CDH22: variants seen among roughly 807,000 people sequenced by gnomAD.
The protein encoded by CDH22 is cadherin-22.
CDH22 carries 30 observed loss-of-function variants against 58.4 expected under a neutral mutation model. The ratio of observed to expected loss-of-function variants is 0.51; its 90% confidence interval spans 0.38 to 0.70. The LOEUF (loss-of-function observed/expected upper bound fraction) is 0.70, where lower values mean the gene tolerates loss of function less well. CDH22 is among the 30% of genes least tolerant of loss of function. The probability of loss-of-function intolerance (pLI) is 0.00; values close to 1 mark genes in which losing one functional copy is unlikely to be tolerated. For missense variants in CDH22, 1,014 were observed against 1,233.9 expected (o/e 0.82, Z 2.67); for synonymous variants, 513 against 558.2 (o/e 0.92, Z 1.14).
At chr20:46,296,662 A>G (rs147390612) in intron 1 of CDH22, among the ~76,000 whole-genome samples, 1 of 152,276 alleles carries the variant, frequency 6.6e-6, no homozygotes, top group East Asian at 1.9e-4. Context: ...TCATCAGGTG[A>G]CCATGTCAGA....
At chr20:46,301,041 C>T (rs936003724) in intron 1 of CDH22, among the ~76,000 whole-genome samples, 2 of 151,934 alleles carry the variant, frequency 1.3e-5, no homozygotes, top group South Asian at 2.1e-4. Context: ...AAGCAGGTTA[C>T]GGAGGCATAT....
At position 46,251,270 on chromosome 20, in the gene CDH22, C is replaced by A; in HGVS notation, c.25G>T (p.Gly9Trp). 1 of 1,462,438 alleles carries A rather than the reference C, an allele frequency of 6.8e-7. No individual in the cohort carries two copies. The highest frequency in any genetic ancestry group is 9.0e-7 in the Non-Finnish European group (1 of 1,113,500). 90.6% of individuals were successfully genotyped at this position (1,462,438 alleles called of 1,614,324 possible). MRPRPEGRGLRAGVALSPA... is the reference protein window; with the variant it reads MRPRPEGRWLRAGVALSPA... ...GACAGCGCGACTCCCGCCCGGAGCC[C>A]CCTACCTTCGGGCCTCGGCCTCATC... Residue 9 changes from glycine to tryptophan, a missense_variant, in exon 2 of 12, where the codon GGG becomes TGG. This residue lies in a region of CDH22 where 806 missense variants were observed against 1,038.7 expected (regional missense o/e 0.78). Transcript: ENST00000537909. This position sits in a 1 kb window ranked among gnomAD's most constrained non-coding sequence, Gnocchi z 6.7.
At chr20:46,260,179 A>G (rs1393225594) in intron 1 of CDH22, among the ~76,000 whole-genome samples, 1 of 152,218 alleles carries the variant, frequency 6.6e-6, no homozygotes, top group Non-Finnish European at 1.5e-5. Flanking sequence ...AGATGCCTTA[A>G]GGAGGACCTT....
chr20:46,178,370 C>T (rs1298735652), intron 10 of CDH22, among the ~76,000 whole-genome samples, 173 bp from the exon 11 acceptor site: 2 of 152,084 alleles, frequency 1.3e-5, no homozygotes, highest in Admixed American at 1.3e-4. Context: ...CCAGATGCCT[C>T]CAAATTCTGC....
rs2085716904 is a variant in CDH22 at position 46,174,206 on chromosome 20, C to T, written c.*300G>A. ...CCAGGCCAGGATTGAGTGACCCGCC[C>T]CTTCCCGACTCTGCAACGCCACCCC... is the stretch of plus-strand genomic sequence containing the variant. On this transcript the variant is annotated 3_prime_UTR_variant, in exon 12 of 12. Transcript: ENST00000537909. The surrounding 1 kb of genome is among the most constrained non-coding windows in gnomAD (Gnocchi z 4.4). 1.2e-5 allele frequency: 5 copies of T among 424,930 alleles called. No homozygotes were observed. In the South Asian group the frequency reaches 1.7e-4, roughly 14 times the overall value. The allele number at this position is 424,930 out of a possible 1,614,324, so 26.3% of individuals were successfully genotyped here.
At chr20:46,193,338 C>G (rs1835055440) in intron 8 of CDH22, among the ~76,000 whole-genome samples, 1 of 152,110 alleles carries the variant, frequency 6.6e-6, no homozygotes, top group Non-Finnish European at 1.5e-5. Flanking sequence ...CCCTTCCATG[C>G]AGAGCTGTGA....
At chr20:46,183,401 A>G (rs2085802453) in intron 10 of CDH22, among the ~76,000 whole-genome samples, 1 of 151,998 alleles carries the variant, frequency 6.6e-6, no homozygotes, top group South Asian at 2.1e-4. Context: ...TGGTTGTTAA[A>G]TCTGTTTATT....
chr20:46,204,958 T>G (rs895016756), intron 7 of CDH22, among the ~76,000 whole-genome samples: 1 of 152,160 alleles, frequency 6.6e-6, no homozygotes, highest in Non-Finnish European at 1.5e-5. Context: ...TGTGAGTGCA[T>G]GAACATACGA....
At chr20:46,278,740 C>T (rs1206235532) in intron 1 of CDH22, among the ~76,000 whole-genome samples, 1 of 152,124 alleles carries the variant, frequency 6.6e-6, no homozygotes, top group South Asian at 2.1e-4. Context: ...CGTGCCACCA[C>T]ACCTGGCTAT....
intron 4 of CDH22, among the ~76,000 whole-genome samples, chr20:46,224,487 C>T (rs2086157105): frequency 6.6e-6 from 1 of 152,090 alleles, no homozygotes; most frequent in Non-Finnish European, 1.5e-5. Flanking sequence ...CTTGGAGCTC[C>T]ACACCTGTAT....
rs920448747 is a variant in CDH22, at chr20:46,300,649, C to T, written c.-400+7606G>A. 6.6e-6 allele frequency among the ~76,000 whole-genome samples: 1 copy of T among 152,216 alleles called. No homozygotes were observed. Among genetic ancestry groups the T allele is most frequent in the African/African-American group, 2.4e-5 (1 of 41,452 alleles). ...TCTGTGGTGTTAACATCTGGACCAA[C>T]TTTCCAGAGGCCAAAACAGTTCTCT... On this transcript the variant is annotated intron_variant, in intron 1 of 11. Coordinates refer to ENST00000537909, the MANE Select transcript of CDH22 (RefSeq NM_021248.3). The surrounding 1 kb of genome is among the most constrained non-coding windows in gnomAD (Gnocchi z 4.4).
rs2086375312 is a variant in CDH22, at chr20:46,251,474, G to A, written c.-180C>T. 6.4e-6 allele frequency: 4 copies of A among 623,080 alleles called. No homozygotes were observed. Among genetic ancestry groups the A allele is most frequent in the Non-Finnish European group, 6.9e-6 (3 of 431,858 alleles). 38.6% of individuals were successfully genotyped at this position (623,080 alleles called of 1,614,324 possible). ...GCCCTGAACGCCGCCCAGCCGCGGG[G>A]GTACCCGGCTGGAGGGGGAGGGGGC... On this transcript the variant is annotated 5_prime_UTR_variant, in exon 2 of 12. Transcript: ENST00000537909. This position sits in a 1 kb window ranked among gnomAD's most constrained non-coding sequence, Gnocchi z 6.7.
In CDH22 at chr20:46,229,351, G is replaced by A. The variant is rs75205445; in HGVS notation, c.551-1724C>T. On this transcript the variant is annotated intron_variant, in intron 3 of 11. Transcript: ENST00000537909. ...AGACAGGGGAAAAGATTTCACTGAG[G>A]GCACAGAGTGAGGAAGTGGTGGAAT... Among the ~76,000 whole-genome samples the A allele has an allele frequency of 2.8e-3, 421 of 151,486 alleles. 2 individuals carry two copies. Among genetic ancestry groups the A allele is most frequent in the African/African-American group, 9.4e-3 (387 of 41,190 alleles).
chr20:46,291,011 C>T (rs2086599500), intron 1 of CDH22, among the ~76,000 whole-genome samples: 1 of 152,176 alleles, frequency 6.6e-6, no homozygotes, highest in Admixed American at 6.5e-5. Flanking sequence ...GGCATGGTGG[C>T]TCACTCCTGT....
intron 1 of CDH22, among the ~76,000 whole-genome samples, chr20:46,304,044 T>C (rs1283229491): frequency 6.6e-6 from 1 of 151,922 alleles, no homozygotes; most frequent in Non-Finnish European, 1.5e-5. Flanking sequence ...TAGGATGAAA[T>C]GAATCTGTGG....
intron 8 of CDH22, among the ~76,000 whole-genome samples, chr20:46,194,647 T>C (rs1469442801): frequency 6.6e-6 from 1 of 152,234 alleles, no homozygotes; most frequent in African/African-American, 2.4e-5. Context: ...TTATTTCTAA[T>C]CCTTGGGGGA....
chr20:46,301,289 G>A (rs975261617), intron 1 of CDH22, among the ~76,000 whole-genome samples: 16 of 151,840 alleles, frequency 1.1e-4, no homozygotes, highest in Admixed American at 3.3e-4. Flanking sequence ...AGTGTTAAGC[G>A]CTTTGTCTGT....
In CDH22 at chr20:46,210,722, C is replaced by T. The variant is rs2086037262; in HGVS notation, c.1033-162G>A. ...GCATTGCAGAACTGACCCAGACCAA[C>T]CCGGTGGGTTACGGGTGGAGAAACT... On this transcript the variant is annotated intron_variant, in intron 6 of 11. Coordinates refer to ENST00000537909, the MANE Select transcript of CDH22 (RefSeq NM_021248.3). The surrounding 1 kb of genome is among the most constrained non-coding windows in gnomAD (Gnocchi z 4.5). Among the ~76,000 whole-genome samples, 1 of 152,134 alleles carries T rather than the reference C, an allele frequency of 6.6e-6. No individual in the cohort carries two copies. Among genetic ancestry groups the T allele is most frequent in the Admixed American group, 6.5e-5 (1 of 15,268 alleles).
At position 46,229,441 on chromosome 20, in the gene CDH22, C is replaced by T. The variant is rs561006221; in HGVS notation, c.551-1814G>A. 5.9e-5 allele frequency among the ~76,000 whole-genome samples: 9 copies of T among 152,290 alleles called. No homozygotes were observed. In the South Asian group the frequency reaches 1.9e-3, roughly 32 times the overall value. Reference sequence around the variant, plus strand: ...AGCAGTATCAGCACAAGTACAGTGACTTTGGGGACAGTGGTCTGGTGTACT... The same window carrying T: ...AGCAGTATCAGCACAAGTACAGTGATTTTGGGGACAGTGGTCTGGTGTACT... On this transcript the variant is annotated intron_variant, in intron 3 of 11. Coordinates refer to ENST00000537909, the MANE Select transcript of CDH22 (RefSeq NM_021248.3).
Sources: allele counts gnomAD v4.1 joint callset (sites outside exome capture counted in the v4.1 genomes callset), GRCh38; gene constraint gnomAD v4.1.1; regional missense constraint gnomAD v4.1.1; non-coding constraint Gnocchi (gnomAD v3.1); transcripts MANE v1.5; gene names NCBI Gene and HGNC (gene_info 2026-07-23, HGNC 2026-07-21).